The following DOT1L variants were observed in gnomAD, a reference collection of about 807,000 sequenced individuals.
DOT1L encodes histone-lysine N-methyltransferase, H3 lysine-79 specific.
In DOT1L, 33 loss-of-function variants were observed where a neutral mutation model predicts 153.3. That is an observed-to-expected ratio of 0.22 (90% CI 0.16 to 0.29). The LOEUF is 0.29. Ranked by LOEUF, DOT1L falls within the 10% of genes least tolerant of loss-of-function variation. The probability of loss-of-function intolerance (pLI) is 1.00; values close to 1 mark genes in which losing one functional copy is unlikely to be tolerated. For synonymous variants in DOT1L, 1,135 were observed against 965.1 expected, an observed-to-expected ratio of 1.18 and a Z score of -3.26; for missense variants, 1,847 against 2,119.9, an observed-to-expected ratio of 0.87 and a Z score of 2.53.
rs201074438 is a variant in DOT1L, at chr19:2,216,267, C to G, written c.1924-14C>G. ...CCCGGTGGGGCGGGCCTGACACCATCTCTCCTCCTGCAGATCAGCATTGTG... is the reference window on the plus strand; with the variant it reads ...CCCGGTGGGGCGGGCCTGACACCATGTCTCCTCCTGCAGATCAGCATTGTG... On this transcript the variant is annotated splice_polypyrimidine_tract_variant and intron_variant, in intron 19 of 27. Transcript: ENST00000398665. The G allele has an allele frequency of 1.2e-5, 18 of 1,553,250 alleles. No individual in the cohort carries two copies. Among genetic ancestry groups the G allele is most frequent in the Middle Eastern group, 1.7e-4 (1 of 5,820 alleles).
Position 2,216,718 on chromosome 19 carries a change from G to T in DOT1L, c.2361G>T (p.Gln787His). 6.2e-7 allele frequency: 1 copy of T among 1,600,362 alleles called. No homozygotes were observed. Among genetic ancestry groups the T allele is most frequent in the Non-Finnish European group, 8.5e-7 (1 of 1,178,740 alleles). The change falls in exon 20 of 28, where the codon CAG becomes CAT. Residue 787 changes from glutamine to histidine, a missense_variant. Physicochemically the swap from Gln to His is conservative, Grantham distance 24. Transcript: ENST00000398665. Reference protein sequence around the residue: ...AKIVLRRHLSQDHTVPGRPAA... With the variant: ...AKIVLRRHLSHDHTVPGRPAA... ...TTGTGCTGAGGCGGCACCTGAGCCA[G>T]GACCACACGGTGCCCGGCAGGCCGG...
intron 27 of DOT1L, chr19:2,229,537 CTG>C: frequency 1.3e-5 from 13 of 985,464 alleles, no homozygotes; most frequent in Non-Finnish European, 1.6e-5. Context: ...CTGGACTCGG[CTG>C]TGTGTCTCCT....
At position 2,190,302 on chromosome 19, in the gene DOT1L, T is replaced by C. The variant is rs2022736662; in HGVS notation, c.264+507T>C. Among the ~76,000 whole-genome samples the C allele has an allele frequency of 6.6e-6, 1 of 152,146 alleles. No homozygotes were observed. The highest frequency in any genetic ancestry group is 6.5e-5 in the Admixed American group (1 of 15,274). ...GGGTGTAGCAGGGAGGGGAACGTGC[T>C]GCTTCCCATGTTCTAGAAAGCACCG... On this transcript the variant is annotated intron_variant, in intron 4 of 27. Transcript: ENST00000398665. The surrounding 1 kb of genome is among the most constrained non-coding windows in gnomAD (Gnocchi z 4.8).
chr19:2,185,401 G>A (rs1227789321), intron 2 of DOT1L, among the ~76,000 whole-genome samples: 2 of 152,164 alleles, frequency 1.3e-5, no homozygotes, highest in East Asian at 1.9e-4. Flanking sequence ...TTGAAGTCAC[G>A]CCTCCCTTCT....
In DOT1L at chr19:2,216,071, A is replaced by G. The variant is rs553767063; in HGVS notation, c.1924-210A>G. The G allele has an allele frequency of 2.1e-5, 12 of 583,974 alleles. No individual in the cohort carries two copies. The South Asian group carries it at 2.8e-4, about 14-fold the overall frequency. 36.2% of individuals were successfully genotyped at this position (583,974 alleles called of 1,614,324 possible). The stretch of plus-strand genomic sequence containing the variant: ...TTTTTGAAGAAGGTGCTTCCATGTC[A>G]GCAAAAACCATCCTCGGCCCTCCAC... On this transcript the variant is annotated intron_variant, in intron 19 of 27. Transcript: ENST00000398665.
intron 27 of DOT1L, chr19:2,228,869 G>A: frequency 1.0e-6 from 1 of 985,414 alleles, no homozygotes; most frequent in Non-Finnish European, 1.2e-6. Flanking sequence ...GGATGCCTCT[G>A]GTCGGGGCTG....
At chr19:2,223,635 G>T in intron 25 of DOT1L, 149 bp downstream of exon 25, 1 of 1,004,988 alleles carries the variant, frequency 1.0e-6, no homozygotes. Flanking sequence ...TTTTGTGAGG[G>T]GCCTCCCCAC....
intron 3 of DOT1L, among the ~76,000 whole-genome samples, chr19:2,186,852 G>A (rs1599553977): frequency 6.6e-6 from 1 of 152,364 alleles, no homozygotes; most frequent in East Asian, 1.9e-4. Flanking sequence ...CCCTCATTGG[G>A]CGTGATGGTG....
Position 2,191,339 on chromosome 19 carries a change from C to A in DOT1L, c.493+99C>A. The A allele has an allele frequency of 2.4e-6, 3 of 1,255,294 alleles. No homozygotes were observed. The highest frequency in any genetic ancestry group is 3.4e-6 in the Non-Finnish European group (3 of 876,508). The allele number at this position is 1,255,294 out of a possible 1,614,324, so 77.8% of individuals were successfully genotyped here. ...TGGAGAAGAGTTTATCAGGGACTTG[C>A]GACGTTGGCGTGGACAGTGCTTCCT... On this transcript the variant is annotated intron_variant, in intron 5 of 27. Transcript: ENST00000398665. The surrounding 1 kb of genome is among the most constrained non-coding windows in gnomAD (Gnocchi z 6.8).
intron 3 of DOT1L, 106 bp from the exon 4 acceptor site, chr19:2,189,625 CA>C: frequency 7.8e-7 from 1 of 1,280,216 alleles, no homozygotes; most frequent in Admixed American, 1.9e-5. Flanking sequence ...GGTGGCTGTC[CA>C]GGCAGGGACC....
intron 9 of DOT1L, among the ~76,000 whole-genome samples, 180 bp from the exon 10 acceptor site, chr19:2,206,549 T>G (rs1055027361): frequency 6.6e-6 from 1 of 151,190 alleles, no homozygotes; most frequent in Non-Finnish European, 1.5e-5. Context: ...AAAAAAGTTA[T>G]TTGTAGAATA....
At chr19:2,199,705 C>G (rs1214463119) in intron 7 of DOT1L, among the ~76,000 whole-genome samples, 179 bp from the exon 8 acceptor site, 16 of 152,194 alleles carry the variant, frequency 1.1e-4, no homozygotes, top group Admixed American at 9.8e-4. Flanking sequence ...CTGCGCATCC[C>G]TCTCACGGAC....
intron 7 of DOT1L, among the ~76,000 whole-genome samples, chr19:2,196,626 G>A (rs1336591285): frequency 6.6e-6 from 1 of 152,116 alleles, no homozygotes; most frequent in Non-Finnish European, 1.5e-5. Context: ...CCACCGCGCC[G>A]GGCCTCCTTG....
At chr19:2,195,077 G>A (rs1599567284) in intron 7 of DOT1L, among the ~76,000 whole-genome samples, 1 of 152,144 alleles carries the variant, frequency 6.6e-6, no homozygotes, top group Non-Finnish European at 1.5e-5. Context: ...GGATGGCGTC[G>A]CGTGTGGCCC....
At position 2,230,216 on chromosome 19, in the gene DOT1L, G is replaced by A. The variant is rs536517422; in HGVS notation, c.*424G>A. 3 of 418,618 alleles carry A rather than the reference G, an allele frequency of 7.2e-6. No individual in the cohort carries two copies. Among genetic ancestry groups the A allele is most frequent in the African/African-American group, 2.1e-5 (1 of 48,702 alleles). The allele number at this position is 418,618 out of a possible 1,614,324, so 25.9% of individuals were successfully genotyped here. On this transcript the variant is annotated 3_prime_UTR_variant, in exon 28 of 28. Transcript: ENST00000398665. Reference sequence around the variant, plus strand: ...TCCACCCGCTTGGTGCTGACTAGACGCTGACAACGCCGAACCCCGTTCTCG... The same window carrying A: ...TCCACCCGCTTGGTGCTGACTAGACACTGACAACGCCGAACCCCGTTCTCG...
rs1169622316 is a variant in DOT1L, at chr19:2,180,795, T to C, written c.125+39T>C. ...CTGCAGTGTGTTGTCTTCACAGCCC[T>C]GAGCCACTTCCGTGGACACCCGTGC... is the stretch of plus-strand genomic sequence containing the variant. On this transcript the variant is annotated intron_variant, in intron 2 of 27. Transcript: ENST00000398665. 10 of 1,612,102 alleles carry C rather than the reference T, an allele frequency of 6.2e-6. No homozygotes were observed. The East Asian group carries it at 2.2e-4, about 36-fold the overall frequency.
rs2024526566 is a variant in DOT1L at position 2,229,934 on chromosome 19, G to T, written c.*142G>T. On this transcript the variant is annotated 3_prime_UTR_variant, in exon 28 of 28. Transcript: ENST00000398665. Reference sequence around the variant, plus strand: ...ACGGGAGCTCCACTGTGAATCGGCGGCACGCGCCGCAGGAGGCTGGGACTG... The same window carrying T: ...ACGGGAGCTCCACTGTGAATCGGCGTCACGCGCCGCAGGAGGCTGGGACTG... The T allele has an allele frequency of 7.0e-7, 1 of 1,429,910 alleles. No homozygotes were observed. Among genetic ancestry groups the T allele is most frequent in the South Asian group, 1.2e-5 (1 of 86,240 alleles). 88.6% of individuals were successfully genotyped at this position (1,429,910 alleles called of 1,614,324 possible). A position where few individuals can be genotyped will look rare whatever the true frequency, so the allele number is the denominator to read the frequency against.
rs1419659481 is a variant in DOT1L, at chr19:2,210,416, C to T, written c.1022C>T (p.Ala341Val). The change falls in exon 13 of 28, where the codon GCC becomes GTC. Residue 341 changes from alanine (A) to valine (V), a missense_variant. Transcript: ENST00000398665. ...TCCTTCCAGGAGGAACAGGAGGCAG[C>T]CCGGCGCCGCCAGCAGCGCGAGAGC... ...NPKLREEQEA[A>V]RRRQQRESKS... 1.3e-6 allele frequency: 2 copies of T among 1,544,972 alleles called. No individual in the cohort carries two copies. The highest frequency in any genetic ancestry group is 2.4e-5 in the East Asian group (1 of 41,244).
Position 2,164,196 on chromosome 19 carries a change from G to A in DOT1L, c.12G>A (p.Lys4=). 7.9e-7 allele frequency: 1 copy of A among 1,258,124 alleles called. No homozygotes were observed. Among genetic ancestry groups the A allele is most frequent in the Non-Finnish European group, 1.0e-6 (1 of 999,984 alleles). The allele number at this position is 1,258,124 out of a possible 1,614,324, so 77.9% of individuals were successfully genotyped here. A position where few individuals can be genotyped will look rare whatever the true frequency, so the allele number is the denominator to read the frequency against. The change falls in exon 1 of 28, where the codon AAG becomes AAA. Residue 4 remains lysine, a synonymous_variant. Transcript: ENST00000398665. ...CCGCGCGCGCGGACATGGGGGAGAA[G>A]CTGGAGCTGAGACTGAAGTCGCCCG... The part of the protein sequence containing the change: MGE[K]LELRLKSPVG...
Sources: gnomAD v4.1 joint callset for allele counts (sites outside exome capture counted in the v4.1 genomes callset) on GRCh38, gnomAD v4.1.1 for gene constraint, Gnocchi (gnomAD v3.1) non-coding constraint, MANE v1.5 for transcripts, NCBI Gene and HGNC (gene_info 2026-07-23, HGNC 2026-07-21) for gene names.